UNC13C: variants seen among roughly 807,000 people sequenced by gnomAD.
UNC13C encodes the protein protein unc-13 homolog C.
In UNC13C, 174 loss-of-function variants were observed where a neutral mutation model predicts 245.4. The observed-to-expected ratio is 0.71, with a 90% confidence interval of 0.63 to 0.80. The LOEUF (loss-of-function observed/expected upper bound fraction) is 0.80, where lower values mean the gene tolerates loss of function less well. UNC13C is among the 30% of genes least tolerant of loss of function. The pLI is 0.00. For synonymous variants in UNC13C, 992 were observed against 895.1 expected (o/e 1.11, Z -1.93); for missense variants, 2,829 against 2,602.9 (o/e 1.09, Z -1.89).
chr15:54,098,444 G>A (rs1463034259), intron 2 of UNC13C, among the ~76,000 whole-genome samples: 1 of 152,124 alleles, frequency 6.6e-6, no homozygotes, highest in Non-Finnish European at 1.5e-5. Context: ...CAAAGTGCTG[G>A]GATTATAGGC....
chr15:54,421,727 A>G (rs930039105), intron 19 of UNC13C, among the ~76,000 whole-genome samples: 1 of 152,090 alleles, frequency 6.6e-6, no homozygotes, highest in African/African-American at 2.4e-5. Flanking sequence ...GCTCATCCTT[A>G]TGCAAGTAGA....
chr15:54,500,003 C>A, intron 20 of UNC13C, 76 bp from the exon 21 acceptor site: 5 of 1,109,256 alleles, frequency 4.5e-6, no homozygotes, highest in Non-Finnish European at 6.4e-6. Context: ...CTCTCATATG[C>A]AAAAAGAGCA....
chr15:54,329,201 A>G (rs2038376783), intron 14 of UNC13C, among the ~76,000 whole-genome samples: 1 of 151,124 alleles, frequency 6.6e-6, no homozygotes, highest in South Asian at 2.1e-4. Context: ...AAATTTTGAT[A>G]CATGCATACA....
At chr15:54,091,259 T>C (rs1057452332) in intron 2 of UNC13C, among the ~76,000 whole-genome samples, 2 of 152,236 alleles carry the variant, frequency 1.3e-5, no homozygotes, top group African/African-American at 4.8e-5. Flanking sequence ...TCTCTTGACA[T>C]GTTCCTCAGC....
chr15:54,037,151 G>A (rs1005015003), intron 2 of UNC13C, among the ~76,000 whole-genome samples: 11 of 152,234 alleles, frequency 7.2e-5, no homozygotes, highest in Non-Finnish European at 1.5e-4. Flanking sequence ...AGAAATAGCT[G>A]CCTTGAGTTT....
chr15:54,356,859 A>G (rs2039106953), intron 17 of UNC13C, among the ~76,000 whole-genome samples: 2 of 152,308 alleles, frequency 1.3e-5, no homozygotes, highest in Non-Finnish European at 1.5e-5. Flanking sequence ...TTATCTAAAT[A>G]TTGATAAGTT....
At chr15:53,850,959 A>C in the UNC13C span, among the ~76,000 whole-genome samples, 1 of 151,184 alleles carries the variant, frequency 6.6e-6, no homozygotes, top group African/African-American at 2.4e-5. Context: ...GCAGTGTCTA[A>C]TCTGCTTTTA....
chr15:54,446,428 A>T (rs1019035737), intron 19 of UNC13C, among the ~76,000 whole-genome samples: 2 of 152,212 alleles, frequency 1.3e-5, no homozygotes, highest in African/African-American at 4.8e-5. Context: ...ATCCATGAGC[A>T]TGGAATGTTC....
Position 54,015,066 on chromosome 15 carries a change from T to C in UNC13C, c.2163T>C (p.Ser721=). The C allele has an allele frequency of 6.2e-7, 1 of 1,612,912 alleles. No homozygotes were observed. Among genetic ancestry groups the C allele is most frequent in the Non-Finnish European group, 8.5e-7 (1 of 1,179,476 alleles). ...SYDLTQDDNS[S]PCPGLDNEPQ... is the part of the protein sequence containing the mutation. ...ACTTAACTCAAGATGACAATTCTTC[T>C]CCATGCCCTGGCTTGGATAATGAAC... The change falls in exon 2 of 33, where the codon TCT becomes TCC. Residue 721 remains serine (S), a synonymous_variant. Transcript: ENST00000260323.
At chr15:54,171,184 G>T (rs1201686468) in intron 4 of UNC13C, among the ~76,000 whole-genome samples, 1 of 151,998 alleles carries the variant, frequency 6.6e-6, no homozygotes, top group Non-Finnish European at 1.5e-5. Context: ...AGCACTCACT[G>T]ATCAACTTGC....
At chr15:54,205,155 TG>T (rs1259825363) in intron 4 of UNC13C, among the ~76,000 whole-genome samples, 1 of 151,962 alleles carries the variant, frequency 6.6e-6, no homozygotes, top group Non-Finnish European at 1.5e-5. Context: ...AATCATATCT[TG>T]GGTCAGGGAA....
the UNC13C span, among the ~76,000 whole-genome samples, chr15:53,874,028 G>A: frequency 6.7e-6 from 1 of 150,214 alleles, no homozygotes; most frequent in African/African-American, 2.5e-5. Flanking sequence ...TCAGGCTGGA[G>A]TGCAGTGATA....
chr15:54,072,445 T>G (rs1422059219), intron 2 of UNC13C, among the ~76,000 whole-genome samples: 1 of 152,184 alleles, frequency 6.6e-6, no homozygotes, highest in South Asian at 2.1e-4. Flanking sequence ...CTTTGCACTC[T>G]TTTGCTTCTT....
At chr15:54,605,447 CT>C (rs1899716425) in intron 30 of UNC13C, among the ~76,000 whole-genome samples, 1 of 152,166 alleles carries the variant, frequency 6.6e-6, no homozygotes, top group South Asian at 2.1e-4. Context: ...CTCAAAAATA[CT>C]CTTTTGTCTT....
At chr15:54,136,351 A>G (rs748632927) in intron 2 of UNC13C, among the ~76,000 whole-genome samples, 3 of 151,752 alleles carry the variant, frequency 2.0e-5, no homozygotes, top group Non-Finnish European at 4.4e-5. Context: ...CATGTTGCCC[A>G]CTGTTTTAAT....
At chr15:54,268,863 A>G (rs1349162327) in intron 10 of UNC13C, among the ~76,000 whole-genome samples, 2 of 151,890 alleles carry the variant, frequency 1.3e-5, no homozygotes, top group African/African-American at 4.8e-5. Context: ...TGCACTTATC[A>G]TTACTCAACT....
At chr15:54,125,093 A>G (rs538914925) in intron 2 of UNC13C, among the ~76,000 whole-genome samples, 1 of 152,294 alleles carries the variant, frequency 6.6e-6, no homozygotes, top group East Asian at 1.9e-4. Flanking sequence ...ATTCTTTTCT[A>G]TCAGAGTTGT....
the UNC13C span, among the ~76,000 whole-genome samples, chr15:53,900,310 A>C: frequency 6.6e-6 from 1 of 152,218 alleles, no homozygotes; most frequent in East Asian, 1.9e-4. Flanking sequence ...TACGAGTTAT[A>C]AAAATTGGAG....
chr15:54,470,008 T>G (rs1024216021), intron 19 of UNC13C, among the ~76,000 whole-genome samples: 21 of 151,666 alleles, frequency 1.4e-4, no homozygotes, highest in Admixed American at 6.6e-5. Flanking sequence ...TCTGACTCTT[T>G]TAAGATGCTC....
Sources: gnomAD v4.1 joint callset for allele counts (sites outside exome capture counted in the v4.1 genomes callset) on GRCh38, gnomAD v4.1.1 for gene constraint, MANE v1.5 for transcripts, NCBI Gene and HGNC (gene_info 2026-07-23, HGNC 2026-07-21) for gene names.